The following PHLPP1 variants were observed in gnomAD, a reference collection of about 807,000 sequenced individuals.
PHLPP1 encodes the protein PH domain and leucine rich repeat protein phosphatase 1.
Under a neutral mutation model 117.2 loss-of-function variants are expected in PHLPP1, and 42 were observed. The observed-to-expected ratio is 0.36, with a 90% CI of 0.28 to 0.46. The LOEUF is 0.46. Ranked by LOEUF, PHLPP1 falls within the 20% of genes least tolerant of loss-of-function variation. PHLPP1 has a pLI of 1.00. For synonymous variants in PHLPP1, 1,042 were observed against 970.7 expected (o/e 1.07, Z -1.37); for missense variants, 2,084 against 2,241.9 (o/e 0.93, Z 1.42).
intron 2 of PHLPP1, chr18:62,838,547 AGAG>A (rs1171002303): frequency 1.7e-5 from 7 of 402,364 alleles, no homozygotes; most frequent in African/African-American, 4.0e-5. Context: ...TTAAACAGAA[AGAG>A]GAGAATTTCA....
chr18:62,871,859 G>A (rs1366475152), intron 4 of PHLPP1, among the ~76,000 whole-genome samples: 4 of 151,954 alleles, frequency 2.6e-5, no homozygotes, highest in Admixed American at 2.6e-4. Context: ...TGGCCAGGCT[G>A]GTCTTGAATT....
At chr18:62,760,604 C>G (rs375705528) in intron 1 of PHLPP1, among the ~76,000 whole-genome samples, 1 of 152,164 alleles carries the variant, frequency 6.6e-6, no homozygotes, top group South Asian at 2.1e-4. Flanking sequence ...AATCCCACCC[C>G]CTGGAGTGGT....
At chr18:62,810,827 C>T (rs1210983622) in intron 1 of PHLPP1, among the ~76,000 whole-genome samples, 1 of 152,048 alleles carries the variant, frequency 6.6e-6, no homozygotes, top group Non-Finnish European at 1.5e-5. Context: ...CGTTGTAAAA[C>T]CAAAGAAAAT....
intron 10 of PHLPP1, among the ~76,000 whole-genome samples, chr18:62,922,277 C>T (rs1281545411): frequency 6.6e-6 from 1 of 152,182 alleles, no homozygotes; most frequent in Non-Finnish European, 1.5e-5. Flanking sequence ...GCCGGGATTA[C>T]AGGCGCATGC....
intron 1 of PHLPP1, among the ~76,000 whole-genome samples, chr18:62,791,598 T>C (rs1766992638): frequency 6.6e-6 from 1 of 152,222 alleles, no homozygotes; most frequent in Admixed American, 6.5e-5. Flanking sequence ...CATTGAATGT[T>C]CTTGCTGTTT....
chr18:62,771,846 C>T (rs1912791632), intron 1 of PHLPP1, among the ~76,000 whole-genome samples: 1 of 152,246 alleles, frequency 6.6e-6, no homozygotes, highest in Non-Finnish European at 1.5e-5. Context: ...CAGCCATTTT[C>T]ACCAGTCATC....
rs148661617 is a variant in PHLPP1 at position 62,779,387 on chromosome 18, C to T, written c.1577-50648C>T. ...GTCTCCATGGTACTTGTCACCCTGC[C>T]TCTTGTTGGTCAGTAATCCTCAGGA... On this transcript the variant is annotated intron_variant, in intron 1 of 16. Coordinates refer to ENST00000262719, the MANE Select transcript of PHLPP1 (RefSeq NM_194449.4). 4 of 152,252 alleles carry T rather than the reference C, an allele frequency of 2.6e-5. No homozygotes were observed. In the East Asian group the frequency reaches 7.7e-4, roughly 29 times the overall value. 9.4% of individuals were successfully genotyped at this position (152,252 alleles called of 1,614,324 possible). A position where few individuals can be genotyped will look rare whatever the true frequency, so the allele number is the denominator to read the frequency against.
At chr18:62,826,785 G>A (rs1021120154) in intron 1 of PHLPP1, among the ~76,000 whole-genome samples, 38 of 152,146 alleles carry the variant, frequency 2.5e-4, no homozygotes, top group African/African-American at 8.7e-4. Context: ...GGTGGATCAC[G>A]AGGTCAGGAG....
intron 14 of PHLPP1, among the ~76,000 whole-genome samples, chr18:62,970,627 T>A (rs1322134977): frequency 6.6e-6 from 1 of 151,962 alleles, no homozygotes; most frequent in Non-Finnish European, 1.5e-5. Flanking sequence ...TAGCTGGGCG[T>A]GGTGGCGGGT....
intron 16 of PHLPP1, 73 bp downstream of exon 16, chr18:62,975,698 C>G (rs891104276): frequency 6.2e-6 from 6 of 967,848 alleles, no homozygotes; most frequent in Non-Finnish European, 9.7e-6. Flanking sequence ...CAGAAACTAG[C>G]TAGGGAGCAT....
intron 4 of PHLPP1, among the ~76,000 whole-genome samples, chr18:62,868,530 GAGA>G: frequency 6.6e-6 from 1 of 151,070 alleles, no homozygotes. Context: ...GCTAAGGCAA[GAGA>G]ATCGCTTGAA....
At chr18:62,823,633 G>C (rs1198777799) in intron 1 of PHLPP1, among the ~76,000 whole-genome samples, 1 of 119,082 alleles carries the variant, frequency 8.4e-6, no homozygotes, top group East Asian at 1.9e-4. Context: ...TATATATGTA[G>C]ATATATATAG....
chr18:62,849,205 T>C (rs1393703240), intron 3 of PHLPP1, among the ~76,000 whole-genome samples: 2 of 152,232 alleles, frequency 1.3e-5, no homozygotes, highest in African/African-American at 4.8e-5. Context: ...TGAACTGTTT[T>C]CAATGGTGAG....
chr18:62,804,406 T>A (rs1913878949), intron 1 of PHLPP1, among the ~76,000 whole-genome samples: 1 of 152,012 alleles, frequency 6.6e-6, no homozygotes, highest in Non-Finnish European at 1.5e-5. Flanking sequence ...TTTATTGGGT[T>A]GCCCTTTTTC....
chr18:62,783,377 G>A (rs574345155), intron 1 of PHLPP1, among the ~76,000 whole-genome samples: 5 of 151,930 alleles, frequency 3.3e-5, no homozygotes, highest in South Asian at 2.1e-4. Context: ...ACAGGTGCCC[G>A]CCACCATGTC....
At chr18:62,961,165 G>A (rs778294916) in intron 13 of PHLPP1, among the ~76,000 whole-genome samples, 5 of 152,120 alleles carry the variant, frequency 3.3e-5, no homozygotes, top group Non-Finnish European at 5.9e-5. Context: ...GCGAGGTGAC[G>A]CATGCCTGCA....
intron 13 of PHLPP1, among the ~76,000 whole-genome samples, chr18:62,962,648 T>C (rs1236679382): frequency 1.3e-5 from 2 of 152,206 alleles, no homozygotes; most frequent in Non-Finnish European, 2.9e-5. Context: ...AATTTGTCCC[T>C]TTAGTATTTC....
intron 6 of PHLPP1, among the ~76,000 whole-genome samples, chr18:62,899,426 G>A (rs915434536): frequency 5.9e-5 from 9 of 151,934 alleles, no homozygotes; most frequent in Non-Finnish European, 2.9e-5. Context: ...TTGCTTCCTC[G>A]CACCTGCTTT....
At chr18:62,769,016 A>G (rs1270242470) in intron 1 of PHLPP1, among the ~76,000 whole-genome samples, 1 of 152,212 alleles carries the variant, frequency 6.6e-6, no homozygotes, top group African/African-American at 2.4e-5. Context: ...GAAATAAACT[A>G]TTGAAAGTTT....
Sources: gnomAD v4.1 joint callset for allele counts (sites outside exome capture counted in the v4.1 genomes callset) on GRCh38, gnomAD v4.1.1 for gene constraint, MANE v1.5 for transcripts, NCBI Gene and HGNC (gene_info 2026-07-23, HGNC 2026-07-21) for gene names.